ZNF804A: variants seen among roughly 807,000 people sequenced by gnomAD.
The protein encoded by ZNF804A is zinc finger protein 804A.
In ZNF804A, 2 loss-of-function variants were observed where a neutral mutation model predicts 16.5. The ratio of observed to expected loss-of-function variants is 0.12; its 90% CI spans 0.05 to 0.38. ZNF804A has a LOEUF of 0.38. Among genes scored for constraint, ZNF804A ranks in the 10% least tolerant of loss-of-function variants. ZNF804A has a pLI of 0.99. For synonymous variants in ZNF804A, 534 were observed against 489.6 expected, an observed-to-expected ratio of 1.09 and a Z score of -1.20; for missense variants, 1,473 against 1,390.7, an observed-to-expected ratio of 1.06 and a Z score of -0.94.
intron 1 of ZNF804A, among the ~76,000 whole-genome samples, chr2:184,795,687 A>C (rs939515250): frequency 7.9e-5 from 12 of 152,154 alleles, no homozygotes; most frequent in African/African-American, 2.9e-4. Context: ...AGTTTAACCA[A>C]GAAAAGAAGA....
At chr2:184,873,340 T>C (rs918208060) in intron 2 of ZNF804A, among the ~76,000 whole-genome samples, 2 of 152,052 alleles carry the variant, frequency 1.3e-5, no homozygotes, top group Admixed American at 1.3e-4. Context: ...ATACAAAAAT[T>C]AGCTGGCCAT....
intron 2 of ZNF804A, among the ~76,000 whole-genome samples, chr2:184,867,240 A>G (rs1170000777): frequency 6.6e-6 from 1 of 152,132 alleles, no homozygotes; most frequent in African/African-American, 2.4e-5. Context: ...AACTTCATTC[A>G]TTGTTTAGCT....
intron 1 of ZNF804A, among the ~76,000 whole-genome samples, chr2:184,829,479 G>A (rs1314405455): frequency 6.6e-6 from 1 of 151,632 alleles, no homozygotes; most frequent in Non-Finnish European, 1.5e-5. Flanking sequence ...TATGTTAGAG[G>A]GCATTTTCAG....
intron 1 of ZNF804A, among the ~76,000 whole-genome samples, chr2:184,710,931 A>G (rs932617699): frequency 5.9e-5 from 9 of 151,838 alleles, no homozygotes; most frequent in Non-Finnish European, 7.4e-5. Context: ...GGTTGCTTTC[A>G]TATCTTGACT....
intron 2 of ZNF804A, among the ~76,000 whole-genome samples, chr2:184,904,581 A>C (rs1685240227): frequency 6.6e-6 from 1 of 152,088 alleles, no homozygotes; most frequent in Non-Finnish European, 1.5e-5. Flanking sequence ...ATGAAGAAAA[A>C]ATTTATCAAC....
Position 184,637,824 on chromosome 2 carries a change from A to G in ZNF804A, c.111+38754A>G, listed in dbSNP as rs532099713. On this transcript the variant is annotated intron_variant, in intron 1 of 3. Coordinates refer to ENST00000302277, the MANE Select transcript of ZNF804A (RefSeq NM_194250.2). ...TGTAGCTTGAGGGTGCAATTAAATC[A>G]TAAAAGTGGAATCAAACAAATTTTC... Among the ~76,000 whole-genome samples, 13 of 152,340 alleles carry G rather than the reference A, an allele frequency of 8.5e-5. No individual in the cohort carries two copies. The East Asian group carries it at 2.5e-3, about 29-fold the overall frequency.
At position 184,679,764 on chromosome 2, in the gene ZNF804A, G is replaced by A. The variant is rs536006825; in HGVS notation, c.111+80694G>A. 2.0e-3 allele frequency among the ~76,000 whole-genome samples: 306 copies of A among 152,296 alleles called. 1 individual carries two copies. The highest frequency in any genetic ancestry group is 7.1e-3 in the African/African-American group (294 of 41,572). ...ATGAGCATGGGAAGAAGGTAGAGAAGGGGCTAAGGGTGGCTTGTCATGGGC... is the reference window on the plus strand; with the variant it reads ...ATGAGCATGGGAAGAAGGTAGAGAAAGGGCTAAGGGTGGCTTGTCATGGGC... On this transcript the variant is annotated intron_variant, in intron 1 of 3. Coordinates refer to ENST00000302277, the MANE Select transcript of ZNF804A (RefSeq NM_194250.2).
chr2:184,834,379 G>A (rs886157013), intron 1 of ZNF804A, among the ~76,000 whole-genome samples: 1 of 151,974 alleles, frequency 6.6e-6, no homozygotes, highest in Non-Finnish European at 1.5e-5. Context: ...TATGCCCTTA[G>A]CCCTAGAATC....
chr2:184,714,103 A>T (rs2105738370), intron 1 of ZNF804A, among the ~76,000 whole-genome samples: 1 of 152,176 alleles, frequency 6.6e-6, no homozygotes, highest in African/African-American at 2.4e-5. Flanking sequence ...CCTCTTATTA[A>T]CTAGAATAAT....
Position 184,876,681 on chromosome 2 carries a change from G to T in ZNF804A, c.255+10169G>T, listed in dbSNP as rs1433970063. Among the ~76,000 whole-genome samples the T allele has an allele frequency of 2.0e-5, 3 of 152,226 alleles. 1 individual carries two copies. The East Asian group carries it at 5.8e-4, about 29-fold the overall frequency. On this transcript the variant is annotated intron_variant, in intron 2 of 3. Transcript: ENST00000302277. ...AGTATGCACCAGACTCTGGATAAAA[G>T]AATCATTTCTAGCATCTGAAATGTT...
At chr2:184,628,713 G>T (rs1422639448) in intron 1 of ZNF804A, among the ~76,000 whole-genome samples, 1 of 151,878 alleles carries the variant, frequency 6.6e-6, no homozygotes, top group African/African-American at 2.4e-5. Flanking sequence ...CAGAATCGTG[G>T]TATTTCTATT....
chr2:184,669,494 G>C (rs1257852848), intron 1 of ZNF804A, among the ~76,000 whole-genome samples: 1 of 151,934 alleles, frequency 6.6e-6, no homozygotes, highest in Non-Finnish European at 1.5e-5. Context: ...AACATGAAAG[G>C]CAAGACTGGT....
chr2:184,721,331 T>A (rs899418648), intron 1 of ZNF804A, among the ~76,000 whole-genome samples: 1 of 152,090 alleles, frequency 6.6e-6, no homozygotes, highest in Non-Finnish European at 1.5e-5. Flanking sequence ...GGGAAAAATA[T>A]GTGCAAACTA....
intron 2 of ZNF804A, among the ~76,000 whole-genome samples, chr2:184,912,629 T>G (rs1559000686): frequency 6.6e-6 from 1 of 152,114 alleles, no homozygotes; most frequent in Non-Finnish European, 1.5e-5. Flanking sequence ...TCTATTCTTT[T>G]TTAAAATTAA....
At chr2:184,691,458 T>A (rs1387608427) in intron 1 of ZNF804A, among the ~76,000 whole-genome samples, 1 of 147,384 alleles carries the variant, frequency 6.8e-6, no homozygotes, top group African/African-American at 2.7e-5. Context: ...ACAACTTGAT[T>A]TTATTTACTA....
intron 1 of ZNF804A, among the ~76,000 whole-genome samples, chr2:184,750,623 T>C (rs1231271375): frequency 1.3e-5 from 2 of 151,408 alleles, no homozygotes; most frequent in African/African-American, 4.8e-5. Context: ...GTCATAAACT[T>C]ATCCAATAAT....
intron 1 of ZNF804A, among the ~76,000 whole-genome samples, chr2:184,668,621 C>T (rs1448830693): frequency 6.6e-6 from 1 of 151,750 alleles, no homozygotes; most frequent in African/African-American, 2.4e-5. Flanking sequence ...TACAATGGAT[C>T]CTTGAAGAAA....
intron 1 of ZNF804A, among the ~76,000 whole-genome samples, chr2:184,728,561 C>T (rs2105746202): frequency 6.6e-6 from 1 of 151,952 alleles, no homozygotes; most frequent in Middle Eastern, 3.4e-3. Flanking sequence ...CTAGAGATTC[C>T]TTCTGGTCTG....
At position 184,798,191 on chromosome 2, in the gene ZNF804A, T is replaced by C. The variant is rs376820662; in HGVS notation, c.112-68178T>C. ...AAGATTCTTTCCTTCATCTTAACTTTAGATAACCTGATAACAATGTGCCTA... is the reference window on the plus strand; with the variant it reads ...AAGATTCTTTCCTTCATCTTAACTTCAGATAACCTGATAACAATGTGCCTA... On this transcript the variant is annotated intron_variant, in intron 1 of 3. Coordinates refer to ENST00000302277, the MANE Select transcript of ZNF804A (RefSeq NM_194250.2). Among the ~76,000 whole-genome samples, 115 of 152,178 alleles carry C rather than the reference T, an allele frequency of 7.6e-4. 1 individual carries two copies. The Middle Eastern group carries it at 0.041, about 54-fold the overall frequency.
Sources: allele counts gnomAD v4.1 joint callset (sites outside exome capture counted in the v4.1 genomes callset), GRCh38; gene constraint gnomAD v4.1.1; transcripts MANE v1.5; gene names NCBI Gene and HGNC (gene_info 2026-07-23, HGNC 2026-07-21).